The following PARP8 variants were observed in gnomAD, a reference collection of about 807,000 sequenced individuals.
The protein encoded by PARP8 is protein mono-ADP-ribosyltransferase PARP8.
PARP8 carries 51 observed loss-of-function variants against 124.1 expected under a neutral mutation model. The observed-to-expected ratio is 0.41, with a 90% confidence interval of 0.33 to 0.52. The LOEUF is 0.52. Ranked by LOEUF, PARP8 falls within the 20% of genes least tolerant of loss-of-function variation. PARP8 has a pLI of 0.21. For synonymous variants in PARP8, 391 were observed against 361.5 expected, an observed-to-expected ratio of 1.08 and a Z score of -0.93; for missense variants, 860 against 1,018.9, an observed-to-expected ratio of 0.84 and a Z score of 2.12.
rs143735644 is a variant in PARP8, at chr5:50,801,670, C to A, written c.1575+4437C>A. 2.3e-3 allele frequency among the ~76,000 whole-genome samples: 344 copies of A among 152,252 alleles called. 1 individual carries two copies. Among genetic ancestry groups the A allele is most frequent in the Non-Finnish European group, 3.5e-3 (237 of 68,004 alleles). Reference sequence around the variant, plus strand: ...TCATTTCATTGAATTTCTCTATTTTCTCTTTCAAATTCATTTATTCTTTGT... The same window carrying A: ...TCATTTCATTGAATTTCTCTATTTTATCTTTCAAATTCATTTATTCTTTGT... On this transcript the variant is annotated intron_variant, in intron 14 of 25. Coordinates refer to ENST00000281631, the MANE Select transcript of PARP8 (RefSeq NM_024615.4).
intron 7 of PARP8, 94 bp downstream of exon 7, chr5:50,763,336 T>C: frequency 2.2e-6 from 2 of 916,320 alleles, no homozygotes; most frequent in Non-Finnish European, 1.7e-6. Context: ...TTTGGGGTTT[T>C]AATTGTATTT....
chr5:50,809,216 G>A (rs1744177415), intron 14 of PARP8, among the ~76,000 whole-genome samples: 1 of 151,982 alleles, frequency 6.6e-6, no homozygotes, highest in Admixed American at 6.6e-5. Context: ...CACCCTGAAT[G>A]TGTGTCTTGA....
At chr5:50,706,955 C>T (rs999219911) in intron 2 of PARP8, among the ~76,000 whole-genome samples, 8 of 151,948 alleles carry the variant, frequency 5.3e-5, no homozygotes, top group African/African-American at 7.2e-5. Flanking sequence ...TATACTAGCA[C>T]GCATATATCT....
chr5:50,725,113 T>G (rs1756294519), intron 2 of PARP8, among the ~76,000 whole-genome samples: 1 of 151,080 alleles, frequency 6.6e-6, no homozygotes, highest in Non-Finnish European at 1.5e-5. Context: ...GTATGTATAC[T>G]ATATATGTAT....
intron 12 of PARP8, among the ~76,000 whole-genome samples, chr5:50,796,699 T>C (rs1395805671): frequency 6.6e-6 from 1 of 152,188 alleles, no homozygotes; most frequent in Non-Finnish European, 1.5e-5. Context: ...ACAAATGAGT[T>C]TTTGTGATCA....
intron 14 of PARP8, among the ~76,000 whole-genome samples, chr5:50,813,919 C>G (rs568580864): frequency 1.3e-5 from 2 of 152,190 alleles, no homozygotes; most frequent in African/African-American, 4.8e-5. Flanking sequence ...CTAGTCATAA[C>G]TCATGTCAGT....
At chr5:50,683,577 A>G (rs1424677973) in intron 2 of PARP8, among the ~76,000 whole-genome samples, 1 of 152,220 alleles carries the variant, frequency 6.6e-6, no homozygotes, top group Non-Finnish European at 1.5e-5. Flanking sequence ...CGGTCTCAGC[A>G]ATAGTTGATC....
chr5:50,772,158 A>G lies in PARP8; in HGVS notation c.519-5911A>G, dbSNP rs145844315. 9.9e-5 allele frequency among the ~76,000 whole-genome samples: 15 copies of G among 152,270 alleles called. No homozygotes were observed. The East Asian group carries it at 2.7e-3, about 27-fold the overall frequency. The stretch of plus-strand genomic sequence containing the variant: ...AAGACTGTGTCCTCCAGGTTTATCC[A>G]TGTTGCTGCAAATGACAGGATTTCC... On this transcript the variant is annotated intron_variant, in intron 7 of 25. Transcript: ENST00000281631.
intron 17 of PARP8, among the ~76,000 whole-genome samples, chr5:50,823,478 A>G (rs574149155): frequency 2.0e-4 from 30 of 152,242 alleles, no homozygotes; most frequent in African/African-American, 6.7e-4. Context: ...CCTTTGGGTT[A>G]TTTTTCTATG....
intron 14 of PARP8, among the ~76,000 whole-genome samples, chr5:50,812,807 A>C (rs369076229): frequency 3.5e-4 from 53 of 152,072 alleles, no homozygotes; most frequent in South Asian, 1.9e-3. Context: ...CAGCTTTCTA[A>C]ATATGGCTAG....
intron 25 of PARP8, among the ~76,000 whole-genome samples, chr5:50,835,542 G>GA (rs369666093): frequency 1.5e-3 from 227 of 148,838 alleles, no homozygotes; most frequent in Middle Eastern, 6.9e-3. Flanking sequence ...GTCTCAAAAA[G>GA]AAAAAAAAAG....
At chr5:50,771,207 T>C (rs1184304773) in intron 7 of PARP8, among the ~76,000 whole-genome samples, 2 of 152,004 alleles carry the variant, frequency 1.3e-5, no homozygotes, top group Admixed American at 1.3e-4. Context: ...TTGCCCAAGC[T>C]GGAGTGCAAT....
At chr5:50,693,941 T>C (rs183980197) in intron 2 of PARP8, among the ~76,000 whole-genome samples, 1 of 152,142 alleles carries the variant, frequency 6.6e-6, no homozygotes, top group East Asian at 1.9e-4. Flanking sequence ...ATTTGCTTTC[T>C]CTCACTCTCA....
At chr5:50,667,673 C>A in intron 1 of PARP8, 1 of 699,866 alleles carries the variant, frequency 1.4e-6, no homozygotes, top group Non-Finnish European at 2.6e-6. Context: ...TCGGCTCCCT[C>A]TAGTCCCCTC....
chr5:50,772,096 G>T (rs764505237), intron 7 of PARP8, among the ~76,000 whole-genome samples: 4 of 152,076 alleles, frequency 2.6e-5, no homozygotes. Flanking sequence ...CTTACATCAC[G>T]CAGTGTTTGT....
At chr5:50,802,172 T>C (rs1235965488) in intron 14 of PARP8, among the ~76,000 whole-genome samples, 1 of 152,208 alleles carries the variant, frequency 6.6e-6, no homozygotes, top group Non-Finnish European at 1.5e-5. Flanking sequence ...CTTACTGCCT[T>C]CTTTTGTGTG....
chr5:50,738,310 C>T lies in PARP8; in HGVS notation c.147-11841C>T, dbSNP rs1196906514. On this transcript the variant is annotated intron_variant, in intron 2 of 25. Coordinates refer to ENST00000281631, the MANE Select transcript of PARP8 (RefSeq NM_024615.4). ...GCAGAAAAATATTAAAACCTGTGCG[C>T]TTGCAGTTTTTTCTTATGTAATGTA... Among the ~76,000 whole-genome samples the T allele has an allele frequency of 2.6e-5, 4 of 152,102 alleles. No homozygotes were observed. In the East Asian group the frequency reaches 7.7e-4, roughly 29 times the overall value.
At chr5:50,833,452 C>A (rs1747210927) in intron 23 of PARP8, 1 of 451,012 alleles carries the variant, frequency 2.2e-6, no homozygotes, top group South Asian at 1.6e-5. Flanking sequence ...ATTAAAAAAT[C>A]ATCTGATAAG....
intron 2 of PARP8, chr5:50,668,469 GA>G: frequency 4.8e-6 from 1 of 209,484 alleles, no homozygotes; most frequent in Non-Finnish European, 9.7e-6. Context: ...ATGTATAAAA[GA>G]CATAAAATGT....
Sources: gnomAD v4.1 joint callset for allele counts (sites outside exome capture counted in the v4.1 genomes callset) on GRCh38, gnomAD v4.1.1 for gene constraint, MANE v1.5 for transcripts, NCBI Gene and HGNC (gene_info 2026-07-23, HGNC 2026-07-21) for gene names.